PCDHGA4: variants seen among roughly 807,000 people sequenced by gnomAD.
PCDHGA4 encodes the protein protocadherin gamma subfamily A, 4.
A neutral mutation model predicts 54.6 loss-of-function variants in PCDHGA4; 38 were observed. That is an observed-to-expected ratio of 0.70 (90% CI 0.54 to 0.91). PCDHGA4 has a LOEUF of 0.91. PCDHGA4 is among the 40% of genes least tolerant of loss of function. The pLI, the probability that PCDHGA4 is intolerant of heterozygous loss-of-function variation, is 0.00. For synonymous variants in PCDHGA4, 511 were observed against 512.9 expected (o/e 1.00, Z 0.05); for missense variants, 1,298 against 1,220.9 (o/e 1.06, Z -0.94).
In PCDHGA4 at chr5:141,389,981, G is replaced by T. The variant is rs750738084; in HGVS notation, c.2514+32360G>T. On this transcript the variant is annotated intron_variant, in intron 1 of 3. Transcript: ENST00000571252. ...TGGTGGCCTTGGCCTTGATCTCAGT[G>T]CTCTTCCTCGTGGCCATGATTCTGG... The T allele has an allele frequency of 2.5e-6, 4 of 1,614,006 alleles. No homozygotes were observed. The South Asian group carries it at 4.4e-5, about 18-fold the overall frequency.
At chr5:141,417,460 A>G (rs1160577617) in intron 1 of PCDHGA4, 1 of 180,404 alleles carries the variant, frequency 5.5e-6, no homozygotes, top group Non-Finnish European at 1.1e-5. Flanking sequence ...GACCAAGTGG[A>G]AATATATTTC....
In PCDHGA4 at chr5:141,366,563, G is replaced by A. The variant is rs369803383; in HGVS notation, c.2514+8942G>A. 2.0e-5 allele frequency: 32 copies of A among 1,614,130 alleles called. No individual in the cohort carries two copies. The African/African-American group carries it at 3.1e-4, about 15-fold the overall frequency. On this transcript the variant is annotated intron_variant, in intron 1 of 3. Coordinates refer to ENST00000571252, the MANE Select transcript of PCDHGA4 (RefSeq NM_018917.4). ...CGCCTCGCACTTTGTGGGCGTGGAT[G>A]GGGTTCGGGCTTTCCTGCAGACCTA...
At chr5:141,362,603 C>T (rs749234036) in intron 1 of PCDHGA4, 1 of 1,572,606 alleles carries the variant, frequency 6.4e-7, no homozygotes, top group South Asian at 1.2e-5. Flanking sequence ...ATTGTTTCAC[C>T]TAATTTGGGT....
At chr5:141,433,358 C>CCTATCTATCTAT (rs3074541) in intron 1 of PCDHGA4, 6,701 of 503,954 alleles carry the variant, frequency 0.013, 75 homozygotes, top group East Asian at 0.016. Context: ...CTACTGTCTG[C>CCTATCTATCTAT]CTATCTATCT....
chr5:141,360,379 GGAGACTTACTTGTGAGTGACA>G (rs761769972), intron 1 of PCDHGA4: 9 of 1,613,760 alleles, frequency 5.6e-6, no homozygotes, highest in Non-Finnish European at 7.6e-6. Flanking sequence ...CCCAGAAAGC[GGAGACTTACTTGTGAGTGACA>G]GAATAGACCG....
intron 1 of PCDHGA4, chr5:141,478,664 C>T (rs2099470287): frequency 1.3e-6 from 2 of 1,551,788 alleles, no homozygotes; most frequent in Non-Finnish European, 1.7e-6. Context: ...GATGCATTCA[C>T]ACTTTCAACT....
rs1161979451 is a variant in PCDHGA4 at position 141,355,725 on chromosome 5, C to A, written c.618C>A (p.Asn206Lys). ...NSLQGYQLNS[N>K]GYFSLDVQSG... ...TGCAGGGTTACCAGCTCAACTCAAA[C>A]GGTTACTTTTCCCTGGACGTGCAAA... The change falls in exon 1 of 4, where the codon AAC becomes AAA. Residue 206 changes from asparagine (N) to lysine (K), a missense_variant. Physicochemically the swap from Asn to Lys is moderately conservative, Grantham distance 94 (BLOSUM62 0). Transcript: ENST00000571252. The A allele has an allele frequency of 6.2e-7, 1 of 1,613,896 alleles. No individual in the cohort carries two copies. Among genetic ancestry groups the A allele is most frequent in the Non-Finnish European group, 8.5e-7 (1 of 1,179,892 alleles).
At chr5:141,377,663 A>C (rs1774232971) in intron 1 of PCDHGA4, 1 of 152,130 alleles carries the variant, frequency 6.6e-6, no homozygotes, top group African/African-American at 2.4e-5. Context: ...TAAACGACAG[A>C]CGTTCATACA....
In PCDHGA4 at chr5:141,375,793, C is replaced by A. The variant is rs761231690; in HGVS notation, c.2514+18172C>A. 31 of 1,614,110 alleles carry A rather than the reference C, an allele frequency of 1.9e-5. No homozygotes were observed. The highest frequency in any genetic ancestry group is 2.5e-5 in the Non-Finnish European group (29 of 1,180,038). ...TCCTGTACCCCGCCCTCCCCACAGACGGTTCCACTGGCGTGGAGCTGGCGC... is the reference window on the plus strand; with the variant it reads ...TCCTGTACCCCGCCCTCCCCACAGAAGGTTCCACTGGCGTGGAGCTGGCGC... On this transcript the variant is annotated intron_variant, in intron 1 of 3. Coordinates refer to ENST00000571252, the MANE Select transcript of PCDHGA4 (RefSeq NM_018917.4).
Position 141,357,328 on chromosome 5 carries a change from G to C in PCDHGA4, c.2221G>C (p.Val741Leu). 1.2e-6 allele frequency: 2 copies of C among 1,614,102 alleles called. No individual in the cohort carries two copies. The highest frequency in any genetic ancestry group is 1.7e-6 in the Non-Finnish European group (2 of 1,179,946). The change falls in exon 1 of 4, where the codon GTG becomes CTG. Residue 741 changes from valine (V) to leucine (L), a missense_variant. Transcript: ENST00000571252. ...VSCVFLAFVT[V>L]LLALKLRRWH... ...CTGCGTCTTCCTGGCTTTTGTCACG[G>C]TGCTGCTAGCACTCAAGCTGAGACG... is the stretch of plus-strand genomic sequence containing the variant.
Position 141,476,698 on chromosome 5 carries a change from G to C in PCDHGA4, c.2515-18109G>C, listed in dbSNP as rs2075661. Reference sequence around the variant, plus strand: ...CGCGGGAGGACAGCACCAAGTACGCGGAGCTGGTGTTGGAGCGCGCCCTGG... The same window carrying C: ...CGCGGGAGGACAGCACCAAGTACGCCGAGCTGGTGTTGGAGCGCGCCCTGG... On this transcript the variant is annotated intron_variant, in intron 1 of 3. Transcript: ENST00000571252. The surrounding 1 kb of genome is among the most constrained non-coding windows in gnomAD (Gnocchi z 7.6). The C allele has an allele frequency of 0.2, 326,683 of 1,614,030 alleles. 35,085 individuals carry two copies. Among genetic ancestry groups the C allele is most frequent in the Admixed American group, 0.37 (22,021 of 59,992 alleles).
At chr5:141,444,138 C>CTTGTGTG (rs2098418688) in intron 1 of PCDHGA4, among the ~76,000 whole-genome samples, 1 of 122,946 alleles carries the variant, frequency 8.1e-6, no homozygotes, top group South Asian at 2.7e-4. Flanking sequence ...ATATGTGTCA[C>CTTGTGTG]TTGTGTGTAC....
intron 1 of PCDHGA4, among the ~76,000 whole-genome samples, chr5:141,438,705 G>A (rs555160868): frequency 2.0e-4 from 29 of 145,842 alleles, no homozygotes; most frequent in African/African-American, 7.1e-4. Flanking sequence ...CTGTCACCCA[G>A]GCTGGAGTGC....
intron 2 of PCDHGA4, among the ~76,000 whole-genome samples, chr5:141,495,725 C>G (rs1339925752): frequency 1.3e-5 from 2 of 151,986 alleles, no homozygotes; most frequent in African/African-American, 4.8e-5. Flanking sequence ...TACACGGGAC[C>G]CTTAGTCTCT....
intron 1 of PCDHGA4, chr5:141,361,695 C>G (rs754328997): frequency 8.1e-6 from 13 of 1,613,468 alleles, no homozygotes; most frequent in Non-Finnish European, 1.0e-5. Flanking sequence ...AGCGCGCCTT[C>G]GATCATGAGC....
At chr5:141,372,316 G>A (rs1188130035) in intron 1 of PCDHGA4, 6 of 1,613,520 alleles carry the variant, frequency 3.7e-6, no homozygotes, top group Non-Finnish European at 5.1e-6. Flanking sequence ...GCCCGCCAGC[G>A]CCTGCTGGTC....
intron 1 of PCDHGA4, chr5:141,362,221 T>C: frequency 1.2e-6 from 2 of 1,614,044 alleles, no homozygotes; most frequent in Non-Finnish European, 1.7e-6. Context: ...GGTTGTGGCC[T>C]TGGCCTTGAT....
intron 1 of PCDHGA4, among the ~76,000 whole-genome samples, chr5:141,425,919 GA>G (rs2096903434): frequency 6.6e-6 from 1 of 152,056 alleles, no homozygotes; most frequent in African/African-American, 2.4e-5. Flanking sequence ...CAGTCACTAC[GA>G]AAACTCATAA....
At chr5:141,453,552 A>G (rs1005017830) in intron 1 of PCDHGA4, among the ~76,000 whole-genome samples, 2 of 152,188 alleles carry the variant, frequency 1.3e-5, no homozygotes, top group Non-Finnish European at 2.9e-5. Flanking sequence ...CACACTCTGT[A>G]GATAATCGAT....
Sources: allele counts gnomAD v4.1 joint callset (sites outside exome capture counted in the v4.1 genomes callset), GRCh38; gene constraint gnomAD v4.1.1; non-coding constraint Gnocchi (gnomAD v3.1); transcripts MANE v1.5; gene names NCBI Gene and HGNC (gene_info 2026-07-23, HGNC 2026-07-21).